ASIP: variants seen among roughly 807,000 people sequenced by gnomAD.
ASIP encodes agouti signaling protein.
A neutral mutation model predicts 10.3 loss-of-function variants in ASIP; 11 were observed. That is an observed-to-expected ratio of 1.07 (90% CI 0.68 to 1.78). ASIP has a LOEUF of 1.78. Among genes scored for constraint, ASIP ranks in the 40% most tolerant of loss-of-function variants. The pLI is 0.00. For synonymous variants in ASIP, 70 were observed against 70.8 expected, an observed-to-expected ratio of 0.99 and a Z score of 0.06; for missense variants, 180 against 169.2, an observed-to-expected ratio of 1.06 and a Z score of -0.35.
upstream of ASIP, among the ~76,000 whole-genome samples, chr20:34,189,817 C>G (rs909178332): frequency 8.5e-5 from 13 of 152,140 alleles, no homozygotes; most frequent in Admixed American, 8.5e-4. Flanking sequence ...CTTCATGTCT[C>G]CCACCAACCC....
chr20:34,253,737 C>T (rs2035522235), intron 1 of ASIP, among the ~76,000 whole-genome samples: 1 of 152,078 alleles, frequency 6.6e-6, no homozygotes, highest in Non-Finnish European at 1.5e-5. Flanking sequence ...TCCCAAAGTG[C>T]TGGGCTTATA....
At chr20:34,236,804 GA>G (rs1308499688), upstream of ASIP, among the ~76,000 whole-genome samples, 2 of 152,156 alleles carry the variant, frequency 1.3e-5, no homozygotes, top group African/African-American at 2.4e-5. Flanking sequence ...ATTTGCCTGG[GA>G]AAATCTTCTT....
At position 34,210,899 on chromosome 20, in the gene ASIP, C is replaced by T. The variant is rs375744411; in HGVS notation, c.-11+16139C>T. Among the ~76,000 whole-genome samples, 3 of 151,978 alleles carry T rather than the reference C, an allele frequency of 2.0e-5. No individual in the cohort carries two copies. The East Asian group carries it at 5.8e-4, about 29-fold the overall frequency. ...TTAATCTTGTATTCCTGGAATAAAC[C>T]CTATTTGGTCATGGAGTATTAGTCC... On this transcript the variant is annotated intron_variant, in intron 1 of 3. Transcript: ENST00000568305.
chr20:34,242,760 A>C (rs1019464491), intron 1 of ASIP, among the ~76,000 whole-genome samples: 1 of 152,198 alleles, frequency 6.6e-6, no homozygotes, highest in Non-Finnish European at 1.5e-5. Flanking sequence ...TTCATCTCAC[A>C]TCAAAGCCTC....
chr20:34,233,179 G>A lies in ASIP; in HGVS notation c.-10-27186G>A, dbSNP rs534292006. Among the ~76,000 whole-genome samples the A allele has an allele frequency of 3.5e-4, 43 of 124,484 alleles. No homozygotes were observed. In the Admixed American group the frequency reaches 4.1e-3, roughly 12 times the overall value. The allele number at this position is 124,484 out of a possible 152,430, so 81.7% of individuals were successfully genotyped here. On this transcript the variant is annotated intron_variant, in intron 1 of 3. Coordinates refer to the ASIP transcript ENST00000568305. ...TTTTTTTTTTTTGATACAGAGTCTC[G>A]CTCTGTTGCCCAGGCTGGAGTACAA...
intron 1 of ASIP, among the ~76,000 whole-genome samples, chr20:34,233,417 G>T (rs1336867133): frequency 6.6e-6 from 1 of 152,098 alleles, no homozygotes; most frequent in Non-Finnish European, 1.5e-5. Context: ...ACAGTGCTGG[G>T]ATTACAGGTG....
intron 1 of ASIP, among the ~76,000 whole-genome samples, chr20:34,211,503 C>T (rs991203685): frequency 2.0e-5 from 3 of 152,118 alleles, no homozygotes; most frequent in Non-Finnish European, 4.4e-5. Flanking sequence ...TTCTATATTT[C>T]TTCTTTCAGT....
At chr20:34,238,111 G>A (rs760061317), upstream of ASIP, among the ~76,000 whole-genome samples, 6 of 152,116 alleles carry the variant, frequency 3.9e-5, no homozygotes, top group Admixed American at 2.0e-4. Context: ...TGATTATACC[G>A]TATCTTTGTG....
At chr20:34,224,089 C>T (rs1292581901) in intron 1 of ASIP, among the ~76,000 whole-genome samples, 6 of 135,624 alleles carry the variant, frequency 4.4e-5, no homozygotes, top group South Asian at 2.7e-4. Context: ...TGCGGAAGGC[C>T]GCAGGGTCCT....
At chr20:34,263,886 G>A (rs1020559285) in intron 3 of ASIP, among the ~76,000 whole-genome samples, 4 of 151,782 alleles carry the variant, frequency 2.6e-5, no homozygotes, top group African/African-American at 7.3e-5. Context: ...TGTCAGGCTG[G>A]TCTCGAACTC....
At chr20:34,233,088 C>T (rs888312877) in intron 1 of ASIP, among the ~76,000 whole-genome samples, 1 of 152,060 alleles carries the variant, frequency 6.6e-6, no homozygotes, top group South Asian at 2.1e-4. Context: ...CCAATTCTTC[C>T]CCACTCACAC....
intron 2 of ASIP, among the ~76,000 whole-genome samples, chr20:34,261,830 C>T (rs1432225340): frequency 1.3e-5 from 2 of 151,752 alleles, no homozygotes; most frequent in East Asian, 1.9e-4. Context: ...AATAAATAAT[C>T]GGCCAGGCGC....
At chr20:34,197,346 G>A (rs1173602216) in intron 1 of ASIP, among the ~76,000 whole-genome samples, 1 of 152,184 alleles carries the variant, frequency 6.6e-6, no homozygotes, top group Non-Finnish European at 1.5e-5. Flanking sequence ...GGGCAGCAGA[G>A]CAAGACTCCG....
In ASIP at chr20:34,243,731, T is replaced by A. The variant is rs867095581; in HGVS notation, c.-11+2242T>A. Among the ~76,000 whole-genome samples, 52 of 148,624 alleles carry A rather than the reference T, an allele frequency of 3.5e-4. 1 individual carries two copies. Among genetic ancestry groups the A allele is most frequent in the Middle Eastern group, 6.8e-3 (2 of 294 alleles). On this transcript the variant is annotated intron_variant, in intron 1 of 3. Transcript: ENST00000374954. ...ATTTTTAAATTTTACATCTTTCTAA[T>A]ACTTTACATTTTTCTAATATTGTAT...
chr20:34,268,658 C>G (rs2035830494), intron 3 of ASIP, among the ~76,000 whole-genome samples: 1 of 151,850 alleles, frequency 6.6e-6, no homozygotes, highest in Non-Finnish European at 1.5e-5. Flanking sequence ...ATCGCCTGAG[C>G]CCGAGATCGA....
In ASIP at chr20:34,264,836, C is replaced by T. The variant is rs536883424; in HGVS notation, c.222+1943C>T. Among the ~76,000 whole-genome samples, 11 of 130,036 alleles carry T rather than the reference C, an allele frequency of 8.5e-5. No individual in the cohort carries two copies. In the South Asian group the frequency reaches 2.7e-3, roughly 32 times the overall value. The allele number at this position is 130,036 out of a possible 152,430, so 85.3% of individuals were successfully genotyped here. A position where few individuals can be genotyped will look rare whatever the true frequency, so the allele number is the denominator to read the frequency against. On this transcript the variant is annotated intron_variant, in intron 3 of 3. Coordinates refer to ENST00000374954, the MANE Select transcript of ASIP (RefSeq NM_001672.3). ...TTAGAAATGGGGTGTCACTCTGTCA[C>T]TCAGGCTGGAGTGCAGTGGCACCAT...
chr20:34,246,744 C>T (rs1399084191), intron 1 of ASIP, among the ~76,000 whole-genome samples: 1 of 152,156 alleles, frequency 6.6e-6, no homozygotes, highest in Non-Finnish European at 1.5e-5. Context: ...AGGCGTGAGC[C>T]CCTGTGCCGG....
chr20:34,189,952 G>A (rs1428316667), upstream of ASIP, among the ~76,000 whole-genome samples: 1 of 152,200 alleles, frequency 6.6e-6, no homozygotes, highest in African/African-American at 2.4e-5. Context: ...TGTAGGACAT[G>A]CAGAGGCAGG....
At chr20:34,235,163 C>G (rs769584077) in intron 1 of ASIP, 1 of 152,344 alleles carries the variant, frequency 6.6e-6, no homozygotes, top group Non-Finnish European at 1.5e-5. Flanking sequence ...CTGCTTCAGC[C>G]GGGCGCAGTG....
Sources: gnomAD v4.1 joint callset for allele counts (sites outside exome capture counted in the v4.1 genomes callset) on GRCh38, gnomAD v4.1.1 for gene constraint, MANE v1.5 for transcripts, NCBI Gene and HGNC (gene_info 2026-07-23, HGNC 2026-07-21) for gene names.